The following NKAIN3 variants were observed in gnomAD, a reference collection of about 807,000 sequenced individuals.
NKAIN3 encodes sodium/potassium-transporting ATPase subunit beta-1-interacting protein 3.
Under a neutral mutation model 30.2 loss-of-function variants are expected in NKAIN3, and 25 were observed. The ratio of observed to expected loss-of-function variants is 0.83; its 90% CI spans 0.60 to 1.16. The LOEUF is 1.16. Ranked by LOEUF, NKAIN3 falls within the 50% of genes most tolerant of loss-of-function variation. NKAIN3 has a pLI of 0.00. For missense variants in NKAIN3, 225 were observed against 254.1 expected, an observed-to-expected ratio of 0.89 and a Z score of 0.78; for synonymous variants, 91 against 89.6, an observed-to-expected ratio of 1.02 and a Z score of -0.09.
At chr8:62,293,465 G>A (rs991324655) in intron 1 of NKAIN3, among the ~76,000 whole-genome samples, 6 of 152,170 alleles carry the variant, frequency 3.9e-5, no homozygotes, top group African/African-American at 7.2e-5. Flanking sequence ...AGTCAGGACC[G>A]TCAGCTGCAG....
chr8:62,250,264 T>A (rs1812057858), intron 1 of NKAIN3, among the ~76,000 whole-genome samples: 1 of 152,168 alleles, frequency 6.6e-6, no homozygotes, highest in Non-Finnish European at 1.5e-5. Flanking sequence ...CTTGCCTCAG[T>A]GTTCCAGTCT....
intron 1 of NKAIN3, among the ~76,000 whole-genome samples, chr8:62,316,848 G>A (rs932906259): frequency 1.3e-5 from 2 of 152,056 alleles, no homozygotes; most frequent in Admixed American, 6.5e-5. Context: ...CTGAGGAATC[G>A]CCACACTAAC....
intron 4 of NKAIN3, among the ~76,000 whole-genome samples, chr8:62,806,714 T>C (rs1818297643): frequency 6.6e-6 from 1 of 151,702 alleles, no homozygotes; most frequent in Admixed American, 6.6e-5. Context: ...AAATGATGAG[T>C]TAATGGGTGC....
chr8:62,931,764 C>A (rs534865721), intron 5 of NKAIN3, among the ~76,000 whole-genome samples: 1 of 152,160 alleles, frequency 6.6e-6, no homozygotes, highest in Non-Finnish European at 1.5e-5. Flanking sequence ...ATACAGAAGA[C>A]TTTACTCCTA....
At chr8:62,625,805 G>C (rs1002835603) in intron 3 of NKAIN3, among the ~76,000 whole-genome samples, 1 of 151,976 alleles carries the variant, frequency 6.6e-6, no homozygotes, top group Non-Finnish European at 1.5e-5. Context: ...GATTCTTTTT[G>C]AGCCATGACC....
intron 1 of NKAIN3, among the ~76,000 whole-genome samples, chr8:62,255,496 G>T (rs1812235836): frequency 6.6e-6 from 1 of 152,152 alleles, no homozygotes; most frequent in African/African-American, 2.4e-5. Context: ...AGAACTATGA[G>T]ATAAGTTGCT....
chr8:62,987,634 T>TC (rs878993112), downstream of NKAIN3, among the ~76,000 whole-genome samples: 1 of 151,354 alleles, frequency 6.6e-6, no homozygotes, highest in Non-Finnish European at 1.5e-5. Flanking sequence ...GTGACAGACC[T>TC]CCCCCCCATG....
intron 3 of NKAIN3, among the ~76,000 whole-genome samples, chr8:62,667,526 T>C (rs1036149027): frequency 6.6e-6 from 1 of 151,734 alleles, no homozygotes; most frequent in African/African-American, 2.4e-5. Context: ...TCACATCCTA[T>C]GCCCAGTTCA....
At chr8:62,262,002 A>T (rs1315491661) in intron 1 of NKAIN3, among the ~76,000 whole-genome samples, 2 of 152,182 alleles carry the variant, frequency 1.3e-5, no homozygotes, top group African/African-American at 4.8e-5. Flanking sequence ...GTGATCTTAG[A>T]TTAGATCTTA....
chr8:62,536,201 T>G (rs749322172), intron 1 of NKAIN3, among the ~76,000 whole-genome samples: 1 of 152,178 alleles, frequency 6.6e-6, no homozygotes. Context: ...AGAATGCTTA[T>G]AGCATTTTTA....
chr8:62,490,396 CTT>C (rs1751646616), intron 1 of NKAIN3, among the ~76,000 whole-genome samples: 1 of 152,148 alleles, frequency 6.6e-6, no homozygotes, highest in African/African-American at 2.4e-5. Context: ...CAATAAATCT[CTT>C]AATATATATG....
chr8:62,342,529 C>T (rs1173938141), intron 1 of NKAIN3, among the ~76,000 whole-genome samples: 1 of 152,036 alleles, frequency 6.6e-6, no homozygotes, highest in East Asian at 1.9e-4. Context: ...TCCATTAATG[C>T]CCTTTGAGTG....
chr8:62,962,459 G>A (rs1410424369), intron 6 of NKAIN3, among the ~76,000 whole-genome samples: 1 of 152,162 alleles, frequency 6.6e-6, no homozygotes, highest in African/African-American at 2.4e-5. Flanking sequence ...AATTTTGATA[G>A]GTATGCTAAT....
chr8:62,472,644 C>T (rs1806388254), intron 1 of NKAIN3, among the ~76,000 whole-genome samples: 1 of 152,130 alleles, frequency 6.6e-6, no homozygotes, highest in Non-Finnish European at 1.5e-5. Context: ...GCCATTGATG[C>T]TGCCACTCCC....
chr8:62,824,677 TC>T (rs1030367269), intron 4 of NKAIN3, among the ~76,000 whole-genome samples: 2 of 152,204 alleles, frequency 1.3e-5, no homozygotes, highest in African/African-American at 4.8e-5. Flanking sequence ...TTCCATGCTT[TC>T]TACTTGCCCT....
chr8:62,325,502 G>T (rs1815085904), intron 1 of NKAIN3, among the ~76,000 whole-genome samples: 1 of 152,038 alleles, frequency 6.6e-6, no homozygotes, highest in South Asian at 2.1e-4. Context: ...ATACCTAGCA[G>T]TGAGATTGCT....
intron 4 of NKAIN3, among the ~76,000 whole-genome samples, chr8:62,787,975 T>C (rs972143039): frequency 6.6e-6 from 1 of 152,086 alleles, no homozygotes; most frequent in African/African-American, 2.4e-5. Context: ...TTGTGAATAG[T>C]GCCGCAATAA....
At chr8:62,471,914 ACTCCAGCTTG>A (rs1252787792) in intron 1 of NKAIN3, among the ~76,000 whole-genome samples, 3 of 151,544 alleles carry the variant, frequency 2.0e-5, no homozygotes, top group African/African-American at 4.9e-5. Context: ...CAGTTAGTGC[ACTCCAGCTTG>A]CTCCAGCCTG....
intron 5 of NKAIN3, among the ~76,000 whole-genome samples, chr8:62,925,375 C>T (rs1586353467): frequency 6.6e-6 from 1 of 152,024 alleles, no homozygotes; most frequent in South Asian, 2.1e-4. Context: ...CCCTGTACCA[C>T]AGGAAAAAAA....
Sources: allele counts gnomAD v4.1 joint callset (sites outside exome capture counted in the v4.1 genomes callset), GRCh38; gene constraint gnomAD v4.1.1; transcripts MANE v1.5; gene names NCBI Gene and HGNC (gene_info 2026-07-23, HGNC 2026-07-21).